Variants in FLRT1 observed in about 807,000 individuals in gnomAD.
FLRT1 encodes fibronectin leucine rich transmembrane protein 1.
FLRT1 carries 14 observed loss-of-function variants against 30.9 expected under a neutral mutation model. The ratio of observed to expected loss-of-function variants is 0.45; its 90% CI spans 0.30 to 0.71. FLRT1 has a LOEUF of 0.71. FLRT1 is among the 30% of genes least tolerant of loss of function. The probability of loss-of-function intolerance (pLI) is 0.08; values close to 1 mark genes in which losing one functional copy is unlikely to be tolerated. For synonymous variants in FLRT1, 368 were observed against 430.4 expected, an observed-to-expected ratio of 0.85 and a Z score of 1.80; for missense variants, 737 against 949.2, an observed-to-expected ratio of 0.78 and a Z score of 2.94.
At chr11:64,085,252 C>G (rs1471556095) in intron 1 of FLRT1, among the ~76,000 whole-genome samples, 1 of 152,194 alleles carries the variant, frequency 6.6e-6, no homozygotes, top group Non-Finnish European at 1.5e-5. Context: ...AGCGCTGTCC[C>G]TGGGCACCAC....
rs745543654 is a variant in FLRT1 at position 64,116,823 on chromosome 11, C to T, written c.556C>T (p.Arg186Trp). 10 of 1,613,200 alleles carry T rather than the reference C, an allele frequency of 6.2e-6. No individual in the cohort carries two copies. Among genetic ancestry groups the T allele is most frequent in the Admixed American group, 3.3e-5 (2 of 60,024 alleles). ...SKQLKLLFLS[R>W]NHLSSIPSGL... Reference sequence around the variant, plus strand: ...ACAGCTCAAGCTGCTCTTCCTGAGCCGGAACCACCTGAGCAGCATCCCCTC... The same window carrying T: ...ACAGCTCAAGCTGCTCTTCCTGAGCTGGAACCACCTGAGCAGCATCCCCTC... The change falls in exon 3 of 3, where the codon CGG becomes TGG. Residue 186 changes from arginine (R) to tryptophan (W), a missense_variant. Physicochemically the swap from Arg to Trp is moderately radical, Grantham distance 101. Coordinates refer to ENST00000682287, the MANE Select transcript of FLRT1 (RefSeq NM_013280.5).
chr11:64,075,652 C>G (rs1489048487), intron 1 of FLRT1, among the ~76,000 whole-genome samples: 1 of 152,328 alleles, frequency 6.6e-6, no homozygotes, highest in Non-Finnish European at 1.5e-5. Flanking sequence ...GAAGGGGGAC[C>G]CCGAATCTGG....
At position 64,117,467 on chromosome 11, in the gene FLRT1, C is replaced by T; in HGVS notation, c.1200C>T (p.Ala400=). The change falls in exon 3 of 3, where the codon GCC becomes GCT. Residue 400 remains alanine (A), a synonymous_variant. Coordinates refer to ENST00000682287, the MANE Select transcript of FLRT1 (RefSeq NM_013280.5). ...CCAAGACCACGGCCAGCAACCACGC[C>T]TCTGCCACCACGCCCCAGGGTTCCC... ...AAAKTTASNH[A]SATTPQGSLF... is the part of the protein sequence containing the mutation. 2.5e-6 allele frequency: 4 copies of T among 1,613,004 alleles called. No individual in the cohort carries two copies. Among genetic ancestry groups the T allele is most frequent in the Non-Finnish European group, 3.4e-6 (4 of 1,179,220 alleles).
In FLRT1 at chr11:64,053,848, A is replaced by G. The variant is rs115019936; in HGVS notation, c.-1038+17689A>G. On this transcript the variant is annotated intron_variant, in intron 1 of 2. Transcript: ENST00000682287. Reference sequence around the variant, plus strand: ...TGGGGAGGGGAGTGCTCAAGGTCACATGGGAGTTAGGGGCAGGGCTAAGAT... The same window carrying G: ...TGGGGAGGGGAGTGCTCAAGGTCACGTGGGAGTTAGGGGCAGGGCTAAGAT... Among the ~76,000 whole-genome samples the G allele has an allele frequency of 3.5e-3, 535 of 152,234 alleles. 2 individuals are homozygous for G. Among genetic ancestry groups the G allele is most frequent in the African/African-American group, 0.012 (512 of 41,546 alleles).
At chr11:64,048,189 A>G (rs1943621690) in intron 1 of FLRT1, among the ~76,000 whole-genome samples, 1 of 152,218 alleles carries the variant, frequency 6.6e-6, no homozygotes, top group Non-Finnish European at 1.5e-5. Flanking sequence ...TCAGACAGAC[A>G]GGGCTTGTGA....
intron 1 of FLRT1, among the ~76,000 whole-genome samples, chr11:64,075,946 T>C (rs1161207784): frequency 6.6e-6 from 1 of 152,242 alleles, no homozygotes; most frequent in Non-Finnish European, 1.5e-5. Flanking sequence ...AGTGTTGGGA[T>C]TGCAGGCGTG....
chr11:64,109,415 G>A (rs767282044), intron 2 of FLRT1, among the ~76,000 whole-genome samples: 7 of 152,080 alleles, frequency 4.6e-5, no homozygotes, highest in African/African-American at 1.2e-4. Flanking sequence ...GGAGGCTGCC[G>A]GCCTCTCCCC....
intron 2 of FLRT1, 74 bp from the exon 3 acceptor site, chr11:64,116,145 G>A (rs1322515815): frequency 8.5e-6 from 12 of 1,420,060 alleles, no homozygotes; most frequent in Admixed American, 4.9e-5. Flanking sequence ...GCAGGTGGGA[G>A]GGAATGCACG....
intron 2 of FLRT1, among the ~76,000 whole-genome samples, chr11:64,115,915 C>G (rs897415377): frequency 3.2e-4 from 48 of 152,196 alleles, no homozygotes; most frequent in African/African-American, 1.2e-3. Flanking sequence ...AATTAACCTC[C>G]CTGAGGCTCC....
chr11:64,100,909 A>G (rs1042697100), intron 1 of FLRT1, among the ~76,000 whole-genome samples: 8 of 152,110 alleles, frequency 5.3e-5, no homozygotes, highest in Non-Finnish European at 7.4e-5. Context: ...ACAAAGCTGG[A>G]CGGGCACCAA....
intron 1 of FLRT1, among the ~76,000 whole-genome samples, chr11:64,075,627 A>G (rs1022784071): frequency 6.6e-6 from 1 of 152,200 alleles, no homozygotes; most frequent in Non-Finnish European, 1.5e-5. Context: ...CAACCTACAC[A>G]GCTCTGGCTG....
chr11:64,064,285 G>A lies in FLRT1; in HGVS notation c.-1038+28126G>A, dbSNP rs1332433145. Reference sequence around the variant, plus strand: ...AACCAAGCCACACCGTAGTCTCCACGTGCAGCCCTGTTCAGGCGGCGGGTA... The same window carrying A: ...AACCAAGCCACACCGTAGTCTCCACATGCAGCCCTGTTCAGGCGGCGGGTA... On this transcript the variant is annotated intron_variant, in intron 1 of 2. Transcript: ENST00000682287. The surrounding 1 kb of genome is among the most constrained non-coding windows in gnomAD (Gnocchi z 4.5). 1.3e-5 allele frequency among the ~76,000 whole-genome samples: 2 copies of A among 152,234 alleles called. No individual in the cohort carries two copies. Among genetic ancestry groups the A allele is most frequent in the South Asian group, 2.1e-4 (1 of 4,834 alleles).
At chr11:64,040,661 T>C (rs1048858094) in intron 1 of FLRT1, among the ~76,000 whole-genome samples, 1 of 152,196 alleles carries the variant, frequency 6.6e-6, no homozygotes, top group Non-Finnish European at 1.5e-5. Flanking sequence ...AAATGTGGGC[T>C]TGTTTATGAC....
intron 1 of FLRT1, among the ~76,000 whole-genome samples, chr11:64,059,862 A>T (rs1248055910): frequency 6.6e-6 from 1 of 151,772 alleles, no homozygotes. Flanking sequence ...GTTGCTACTG[A>T]TCCAATAGGG....
At chr11:64,072,765 T>C (rs1291884675) in intron 1 of FLRT1, among the ~76,000 whole-genome samples, 1 of 152,236 alleles carries the variant, frequency 6.6e-6, no homozygotes. Flanking sequence ...TTTTGGAATC[T>C]GGGGTTGATC....
intron 1 of FLRT1, among the ~76,000 whole-genome samples, chr11:64,074,327 A>G (rs1348696989): frequency 6.6e-6 from 1 of 152,154 alleles, no homozygotes; most frequent in Non-Finnish European, 1.5e-5. Context: ...TGCATTCTGC[A>G]AGGTCCCGCT....
chr11:64,043,108 C>T (rs1943519877), intron 1 of FLRT1, among the ~76,000 whole-genome samples: 1 of 152,214 alleles, frequency 6.6e-6, no homozygotes, highest in East Asian at 1.9e-4. Flanking sequence ...CTCTCTGTGC[C>T]TCTGTCTCCA....
intron 1 of FLRT1, among the ~76,000 whole-genome samples, chr11:64,078,731 G>C (rs1394166009): frequency 1.3e-5 from 2 of 151,878 alleles, no homozygotes; most frequent in Non-Finnish European, 2.9e-5. Context: ...CTCAGGGAGG[G>C]CACCCCAAGC....
intron 1 of FLRT1, among the ~76,000 whole-genome samples, chr11:64,088,864 G>A (rs535528749): frequency 1.3e-5 from 2 of 152,260 alleles, no homozygotes; most frequent in African/African-American, 4.8e-5. Flanking sequence ...AGGCAGGATC[G>A]CAGGCGGAAT....
Sources: allele counts gnomAD v4.1 joint callset (sites outside exome capture counted in the v4.1 genomes callset), GRCh38; gene constraint gnomAD v4.1.1; non-coding constraint Gnocchi (gnomAD v3.1); transcripts MANE v1.5; gene names NCBI Gene and HGNC (gene_info 2026-07-23, HGNC 2026-07-21).